KAZN: variants seen among roughly 807,000 people sequenced by gnomAD.
KAZN encodes kazrin, periplakin interacting protein.
In KAZN, 40 loss-of-function variants were observed where a neutral mutation model predicts 87.4. The ratio of observed to expected loss-of-function variants is 0.46; its 90% CI spans 0.36 to 0.60. The LOEUF (loss-of-function observed/expected upper bound fraction) is 0.60, where lower values mean the gene tolerates loss of function less well. Among genes scored for constraint, KAZN ranks in the 20% least tolerant of loss-of-function variants. KAZN has a pLI of 0.00. For synonymous variants in KAZN, 466 were observed against 458.3 expected, an observed-to-expected ratio of 1.02 and a Z score of -0.22; for missense variants, 898 against 1,073.9, an observed-to-expected ratio of 0.84 and a Z score of 2.29.
At chr1:14,999,497 CCCCT>C (rs1668236484) in intron 2 of KAZN, among the ~76,000 whole-genome samples, 1 of 140,930 alleles carries the variant, frequency 7.1e-6, no homozygotes, top group African/African-American at 3.2e-5. Flanking sequence ...ATTGCCTGCC[CCCCT>C]CCCCCCGCCC....
chr1:14,872,785 T>C lies in KAZN; in HGVS notation c.227-87899T>C, dbSNP rs189190812. Reference sequence around the variant, plus strand: ...ATGGACAAGTGGACAGATGAATGGATAGGTGGATGGATGGATGGACGTACA... The same window carrying C: ...ATGGACAAGTGGACAGATGAATGGACAGGTGGATGGATGGATGGACGTACA... On this transcript the variant is annotated intron_variant, in intron 1 of 14. Coordinates refer to ENST00000376030, the MANE Select transcript of KAZN (RefSeq NM_201628.3). Among the ~76,000 whole-genome samples the C allele has an allele frequency of 2.0e-5, 3 of 152,116 alleles. No individual in the cohort carries two copies. The East Asian group carries it at 5.8e-4, about 29-fold the overall frequency.
intron 1 of KAZN, among the ~76,000 whole-genome samples, chr1:14,849,999 A>G (rs1331959228): frequency 6.9e-6 from 1 of 145,268 alleles, no homozygotes; most frequent in Non-Finnish European, 1.5e-5. Flanking sequence ...CAGTGGTGTG[A>G]TCTCGGCTCA....
intron 1 of KAZN, chr1:14,180,374 T>G (rs1016172498): frequency 6.8e-7 from 1 of 1,475,896 alleles, no homozygotes; most frequent in Admixed American, 2.1e-5. Flanking sequence ...AAATGGCTAG[T>G]CAATTTCTCT....
rs1173161178 is a variant in KAZN, at chr1:14,222,837, TATG to T, written c.249+42250_249+42252del. On this transcript the variant is annotated intron_variant, in intron 2 of 16. Coordinates refer to the KAZN transcript ENST00000636203. ...CCCAGTATTTTGAATCTGCAAATAT[TATG>T]ATGAATAGGTATCTCAGGATAATTT... is the stretch of plus-strand genomic sequence containing the variant. 3.9e-5 allele frequency among the ~76,000 whole-genome samples: 6 copies of T among 152,208 alleles called. No homozygotes were observed. In the East Asian group the frequency reaches 5.8e-4, roughly 15 times the overall value.
intron 1 of KAZN, among the ~76,000 whole-genome samples, chr1:14,006,690 A>G (rs921327050): frequency 6.6e-6 from 1 of 152,046 alleles, no homozygotes; most frequent in Admixed American, 6.6e-5. Flanking sequence ...ATTCTGTTTT[A>G]TGTGTCTATT....
intron 2 of KAZN, among the ~76,000 whole-genome samples, chr1:14,359,664 G>A (rs1659337103): frequency 1.3e-5 from 2 of 152,176 alleles, no homozygotes; most frequent in South Asian, 2.1e-4. Context: ...TTGCTTGTCT[G>A]TAAAGGATTT....
chr1:14,424,782 A>C (rs939293544), intron 2 of KAZN, among the ~76,000 whole-genome samples: 1 of 152,200 alleles, frequency 6.6e-6, no homozygotes, highest in Admixed American at 6.5e-5. Flanking sequence ...GCCTCAAGCC[A>C]TTCCTATAAA....
At chr1:14,242,251 C>G (rs1334919835) in intron 2 of KAZN, among the ~76,000 whole-genome samples, 1 of 152,148 alleles carries the variant, frequency 6.6e-6, no homozygotes, top group Non-Finnish European at 1.5e-5. Context: ...GCAGATAATA[C>G]ATCGGTTCCT....
At chr1:14,141,490 G>A (rs1441111978) in intron 1 of KAZN, among the ~76,000 whole-genome samples, 1 of 130,984 alleles carries the variant, frequency 7.6e-6, no homozygotes, top group Admixed American at 7.4e-5. Flanking sequence ...CTCATTTACA[G>A]TAATAAAAAA....
chr1:13,972,626 T>G (rs1642180104), intron 1 of KAZN, among the ~76,000 whole-genome samples: 1 of 152,176 alleles, frequency 6.6e-6, no homozygotes, highest in East Asian at 1.9e-4. Flanking sequence ...TCTGATAGTT[T>G]TGGAGATAGG....
At chr1:14,386,182 C>G (rs1268674009) in intron 2 of KAZN, among the ~76,000 whole-genome samples, 2 of 146,042 alleles carry the variant, frequency 1.4e-5, no homozygotes, top group African/African-American at 2.5e-5. Context: ...CTTCCTCCAT[C>G]CTTTTATTTT....
At chr1:14,188,198 T>TGG (rs1455522174) in intron 2 of KAZN, among the ~76,000 whole-genome samples, 1 of 77,994 alleles carries the variant, frequency 1.3e-5, no homozygotes, top group Non-Finnish European at 3.2e-5. Flanking sequence ...GAGGAGCGTG[T>TGG]GTGTGTGTGT....
chr1:14,507,486 G>A (rs541248553), intron 2 of KAZN, among the ~76,000 whole-genome samples: 1 of 152,276 alleles, frequency 6.6e-6, no homozygotes, highest in Admixed American at 6.5e-5. Flanking sequence ...GACCTAAAGA[G>A]CCTGTATTCC....
intron 1 of KAZN, among the ~76,000 whole-genome samples, chr1:14,940,406 C>T (rs528949352): frequency 4.2e-4 from 64 of 152,352 alleles, no homozygotes; most frequent in Middle Eastern, 3.4e-3. Context: ...ACTTGAGGAT[C>T]TTACACACTG....
intron 1 of KAZN, among the ~76,000 whole-genome samples, chr1:14,121,256 A>G (rs1184833257): frequency 6.6e-6 from 1 of 152,214 alleles, no homozygotes; most frequent in African/African-American, 2.4e-5. Flanking sequence ...TGTGATATGC[A>G]AACCTTCCCT....
chr1:13,920,863 G>A lies in KAZN; in HGVS notation c.91+27107G>A, dbSNP rs184267480. Among the ~76,000 whole-genome samples, 29 of 152,238 alleles carry A rather than the reference G, an allele frequency of 1.9e-4. 1 individual carries two copies. Among genetic ancestry groups the A allele is most frequent in the Admixed American group, 1.1e-3 (17 of 15,288 alleles). Reference sequence around the variant, plus strand: ...GCCATTAGGCTGATGTTTTTGGGCTGGATTTAGGTGGTTTTCAATCAAGGG... The same window carrying A: ...GCCATTAGGCTGATGTTTTTGGGCTAGATTTAGGTGGTTTTCAATCAAGGG... On this transcript the variant is annotated intron_variant, in intron 1 of 16. Coordinates refer to the KAZN transcript ENST00000636203.
chr1:14,354,123 T>G (rs1658790320), intron 2 of KAZN, among the ~76,000 whole-genome samples: 2 of 152,098 alleles, frequency 1.3e-5, no homozygotes, highest in Non-Finnish European at 2.9e-5. Context: ...CCACAGCAAT[T>G]CAATGGGGAA....
At chr1:13,970,398 A>T (rs1642095722) in intron 1 of KAZN, among the ~76,000 whole-genome samples, 1 of 152,166 alleles carries the variant, frequency 6.6e-6, no homozygotes. Context: ...TATTATTCTC[A>T]TTTTACAGGT....
intron 2 of KAZN, among the ~76,000 whole-genome samples, chr1:14,517,293 A>C (rs1193984220): frequency 6.6e-6 from 1 of 152,144 alleles, no homozygotes; most frequent in Non-Finnish European, 1.5e-5. Flanking sequence ...GCTGGTGATC[A>C]TCTTACCACC....
Sources: gnomAD v4.1 joint callset for allele counts (sites outside exome capture counted in the v4.1 genomes callset) on GRCh38, gnomAD v4.1.1 for gene constraint, MANE v1.5 for transcripts, NCBI Gene and HGNC (gene_info 2026-07-23, HGNC 2026-07-21) for gene names.